ADGRG7: variants seen among roughly 807,000 people sequenced by gnomAD.
The protein encoded by ADGRG7 is adhesion G protein-coupled receptor G7, also known as G-protein coupled receptor 128.
A neutral mutation model predicts 88.6 loss-of-function variants in ADGRG7; 82 were observed. The ratio of observed to expected loss-of-function variants is 0.93; its 90% CI spans 0.77 to 1.11. The LOEUF (loss-of-function observed/expected upper bound fraction) is 1.11, where lower values mean the gene tolerates loss of function less well. ADGRG7 is among the 50% of genes most tolerant of loss of function. ADGRG7 has a pLI of 0.00. For synonymous variants in ADGRG7, 381 were observed against 345.2 expected (o/e 1.10, Z -1.15); for missense variants, 945 against 953.4 (o/e 0.99, Z 0.12).
chr3:100,665,006 T>G (rs1387771587), intron 14 of ADGRG7: 1 of 429,918 alleles, frequency 2.3e-6, no homozygotes, highest in Non-Finnish European at 4.7e-6. Context: ...GGTTCCAGTA[T>G]GGTAGGGCAA....
chr3:100,667,961 G>A (rs2094953894), intron 14 of ADGRG7, among the ~76,000 whole-genome samples: 1 of 152,202 alleles, frequency 6.6e-6, no homozygotes, highest in Admixed American at 6.5e-5. Context: ...GGGTTTCAAA[G>A]ACCGTGGGAC....
chr3:100,665,289 C>T (rs754698073), intron 14 of ADGRG7: 11 of 540,570 alleles, frequency 2.0e-5, no homozygotes, highest in Admixed American at 1.2e-4. Flanking sequence ...ACGAGGTTGT[C>T]GTTCAGGTAG....
At chr3:100,678,644 C>T (rs996960264) in intron 15 of ADGRG7, among the ~76,000 whole-genome samples, 13 of 152,152 alleles carry the variant, frequency 8.5e-5, no homozygotes, top group Middle Eastern at 3.2e-3. Flanking sequence ...GTCACTGCAG[C>T]CATATCTGCT....
Position 100,695,085 on chromosome 3 carries a change from A to G in ADGRG7, c.*84A>G. The G allele has an allele frequency of 1.4e-6, 2 of 1,397,906 alleles. No homozygotes were observed. Among genetic ancestry groups the G allele is most frequent in the Non-Finnish European group, 2.0e-6 (2 of 1,021,156 alleles). The allele number at this position is 1,397,906 out of a possible 1,614,324, so 86.6% of individuals were successfully genotyped here. On this transcript the variant is annotated 3_prime_UTR_variant, in exon 16 of 16. Transcript: ENST00000273352. ...CTCTCCTTTATTTCCCAGTCCTCTC[A>G]GAAAGTCTTCCTCAATGTATTTTGC...
intron 14 of ADGRG7, among the ~76,000 whole-genome samples, chr3:100,667,296 A>G (rs1199872616): frequency 6.6e-6 from 1 of 152,144 alleles, no homozygotes; most frequent in South Asian, 2.1e-4. Context: ...CGTCACCTAC[A>G]TTAGGTATTT....
chr3:100,675,032 A>G (rs1400851824), intron 15 of ADGRG7, among the ~76,000 whole-genome samples: 1 of 152,030 alleles, frequency 6.6e-6, no homozygotes, highest in Non-Finnish European at 1.5e-5. Context: ...AGATCATATC[A>G]TCTGCAAACG....
chr3:100,685,943 T>A (rs1303110525), intron 15 of ADGRG7, among the ~76,000 whole-genome samples: 1 of 151,282 alleles, frequency 6.6e-6, no homozygotes, highest in Non-Finnish European at 1.5e-5. Flanking sequence ...CCCTGAGGAA[T>A]CGCCACACTG....
rs1438455726 is a variant in ADGRG7 at position 100,610,901 on chromosome 3, G to A, written c.115+930G>A. On this transcript the variant is annotated intron_variant, in intron 1 of 15. Transcript: ENST00000273352. ...GGAGCTAGCAGGAGCATGGAGCATG[G>A]CTGCAAAGATCCAGTGTTGAAGACC... 3.3e-5 allele frequency among the ~76,000 whole-genome samples: 5 copies of A among 152,300 alleles called. No homozygotes were observed. The East Asian group carries it at 9.6e-4, about 29-fold the overall frequency.
chr3:100,693,443 G>C (rs1334670540), intron 15 of ADGRG7, among the ~76,000 whole-genome samples: 1 of 152,110 alleles, frequency 6.6e-6, no homozygotes, highest in Non-Finnish European at 1.5e-5. Flanking sequence ...ACCACCTGTT[G>C]AGTAATAATC....
intron 1 of ADGRG7, among the ~76,000 whole-genome samples, chr3:100,621,774 C>T (rs1164153071): frequency 6.6e-6 from 1 of 152,174 alleles, no homozygotes; most frequent in Non-Finnish European, 1.5e-5. Context: ...GTGTATAAAA[C>T]AGGCTTCTAT....
chr3:100,637,363 A>G lies in ADGRG7; in HGVS notation c.659A>G (p.Gln220Arg), dbSNP rs1458013176. 1.9e-6 allele frequency: 3 copies of G among 1,613,840 alleles called. No homozygotes were observed. Among genetic ancestry groups the G allele is most frequent in the South Asian group, 1.1e-5 (1 of 91,092 alleles). Reference protein sequence around the residue: ...QLLDASEDAFQRVAATANDDA... With the variant: ...QLLDASEDAFRRVAATANDDA... Reference sequence around the variant, plus strand: ...CTAGATGCCAGTGAAGATGCTTTTCAAAGAGTTGCTGCTACTGCTAATGAT... The same window carrying G: ...CTAGATGCCAGTGAAGATGCTTTTCGAAGAGTTGCTGCTACTGCTAATGAT... Residue 220 changes from glutamine (Q) to arginine (R), a missense_variant, in exon 6 of 16, where the codon CAA becomes CGA. Coordinates refer to ENST00000273352, the MANE Select transcript of ADGRG7 (RefSeq NM_032787.3).
intron 14 of ADGRG7, chr3:100,665,234 A>T: frequency 3.7e-6 from 2 of 540,138 alleles, no homozygotes; most frequent in South Asian, 2.8e-5. Context: ...AGGATATGGA[A>T]CTCTCCCATC....
chr3:100,678,700 T>G (rs1020873562), intron 15 of ADGRG7, among the ~76,000 whole-genome samples: 2 of 152,220 alleles, frequency 1.3e-5, no homozygotes, highest in South Asian at 4.1e-4. Context: ...CTTTTAGACA[T>G]ACAGAGGAAC....
At chr3:100,678,003 T>C (rs1282193589) in intron 15 of ADGRG7, among the ~76,000 whole-genome samples, 1 of 152,172 alleles carries the variant, frequency 6.6e-6, no homozygotes, top group Non-Finnish European at 1.5e-5. Context: ...TTTCTTTGAA[T>C]AAACTTTCTA....
intron 1 of ADGRG7, among the ~76,000 whole-genome samples, chr3:100,619,925 C>G (rs539972323): frequency 2.0e-5 from 3 of 152,174 alleles, no homozygotes; most frequent in African/African-American, 7.2e-5. Context: ...AATAGCTTAC[C>G]AACCAAAAAA....
rs796310424 is a variant in ADGRG7 at position 100,612,286 on chromosome 3, CTG to C, written c.115+2316_115+2317del. On this transcript the variant is annotated intron_variant, in intron 1 of 15. Coordinates refer to ENST00000273352, the MANE Select transcript of ADGRG7 (RefSeq NM_032787.3). ...AGTTACTCTGATTTGGCAGTAAACACTGATGTACAACAATATTTATGCTATTT... is the reference window on the plus strand; with the variant it reads ...AGTTACTCTGATTTGGCAGTAAACACATGTACAACAATATTTATGCTATTT... Among the ~76,000 whole-genome samples the C allele has an allele frequency of 7.2e-4, 110 of 152,190 alleles. 1 individual carries two copies. Among genetic ancestry groups the C allele is most frequent in the African/African-American group, 2.6e-3 (108 of 41,550 alleles).
chr3:100,654,820 T>A lies in ADGRG7; in HGVS notation c.1380-15T>A. The A allele has an allele frequency of 6.9e-7, 1 of 1,454,000 alleles. No individual in the cohort carries two copies. Among genetic ancestry groups the A allele is most frequent in the Non-Finnish European group, 9.3e-7 (1 of 1,073,596 alleles). 90.1% of individuals were successfully genotyped at this position (1,454,000 alleles called of 1,614,324 possible). On this transcript the variant is annotated splice_polypyrimidine_tract_variant and intron_variant, in intron 11 of 15. Transcript: ENST00000273352. ...GTTTCATTTAATTTTTTTATATTAATTTACTTATTTTCAGGAAAGTCAGAA... is the reference window on the plus strand; with the variant it reads ...GTTTCATTTAATTTTTTTATATTAAATTACTTATTTTCAGGAAAGTCAGAA...
rs778125412 is a variant in ADGRG7 at position 100,643,549 on chromosome 3, A to G, written c.862A>G (p.Ser288Gly). 13 of 1,613,640 alleles carry G rather than the reference A, an allele frequency of 8.1e-6. No homozygotes were observed. The South Asian group carries it at 1.3e-4, about 16-fold the overall frequency. ...AGGAGCTAGCAGTTCTCTAGTTTCT[A>G]GTTCAACATTTATACATACAAATGT... is the stretch of plus-strand genomic sequence containing the variant. ...QKGASSSLVS[S>G]STFIHTNVDG... The change falls in exon 8 of 16, where the codon AGT (serine) becomes GGT (glycine). Residue 288 changes from serine (S) to glycine (G), a missense_variant. By Grantham distance (56) the Ser-to-Gly change is moderately conservative. Coordinates refer to ENST00000273352, the MANE Select transcript of ADGRG7 (RefSeq NM_032787.3).
At chr3:100,635,605 C>A in intron 4 of ADGRG7, 72 bp from the exon 5 acceptor site, 1 of 1,551,698 alleles carries the variant, frequency 6.4e-7, no homozygotes, top group South Asian at 1.3e-5. Flanking sequence ...AGCTTATTTA[C>A]CTGCAGTTGC....
Sources: gnomAD v4.1 joint callset for allele counts (sites outside exome capture counted in the v4.1 genomes callset) on GRCh38, gnomAD v4.1.1 for gene constraint, MANE v1.5 for transcripts, NCBI Gene and HGNC (gene_info 2026-07-23, HGNC 2026-07-21) for gene names.